USP40: variants seen among roughly 807,000 people sequenced by gnomAD.
The protein encoded by USP40 is ubiquitin specific peptidase 40.
USP40 carries 143 observed loss-of-function variants against 166.2 expected under a neutral mutation model. That is an observed-to-expected ratio of 0.86 (90% CI 0.75 to 0.99). The LOEUF (loss-of-function observed/expected upper bound fraction) is 0.99, where lower values mean the gene tolerates loss of function less well. USP40 is among the 50% of genes least tolerant of loss of function. The pLI is 0.00. For synonymous variants in USP40, 498 were observed against 524.0 expected, an observed-to-expected ratio of 0.95 and a Z score of 0.68; for missense variants, 1,444 against 1,479.7, an observed-to-expected ratio of 0.98 and a Z score of 0.40.
chr2:233,517,508 C>T (rs1008071351), intron 18 of USP40, among the ~76,000 whole-genome samples: 2 of 151,984 alleles, frequency 1.3e-5, no homozygotes, highest in Non-Finnish European at 2.9e-5. Context: ...CCTCAGCCTC[C>T]CCAGTAGCTG....
intron 31 of USP40, among the ~76,000 whole-genome samples, chr2:233,479,798 T>C (rs1351643614): frequency 1.3e-5 from 2 of 151,934 alleles, no homozygotes; most frequent in Non-Finnish European, 2.9e-5. Context: ...TCCTTTGCTA[T>C]CCTGGGGCTC....
chr2:233,517,714 T>G (rs886474075), intron 18 of USP40, among the ~76,000 whole-genome samples: 2 of 151,784 alleles, frequency 1.3e-5, no homozygotes, highest in African/African-American at 2.4e-5. Context: ...AGCAGCACAG[T>G]TTGCAATTGC....
At chr2:233,479,628 C>CGTGTGTGTGTGT (rs72454809) in intron 31 of USP40, among the ~76,000 whole-genome samples, 277 of 145,490 alleles carry the variant, frequency 1.9e-3, no homozygotes, top group African/African-American at 4.1e-3. Flanking sequence ...TAGAATTTTA[C>CGTGTGTGTGTGT]GTGTGTGTGT....
rs375216964 is a variant in USP40 at position 233,551,540 on chromosome 2, A to G, written c.694-21T>C. On this transcript the variant is annotated intron_variant, in intron 6 of 31. Transcript: ENST00000678225. The stretch of plus-strand genomic sequence containing the variant: ...GCCGACTGTTAAAAGAAAAATTTAC[A>G]AAGCTTTTTAAAAACAGGGTTATAT... 3 of 1,561,102 alleles carry G rather than the reference A, an allele frequency of 1.9e-6. No individual in the cohort carries two copies. In the African/African-American group the frequency reaches 4.1e-5, roughly 22 times the overall value.
Position 233,493,216 on chromosome 2 carries a change from T to C in USP40, c.2917+209A>G, listed in dbSNP as rs2125076473. On this transcript the variant is annotated intron_variant, in intron 25 of 31. Transcript: ENST00000678225. The surrounding 1 kb of genome is among the most constrained non-coding windows in gnomAD (Gnocchi z 4.7). Reference sequence around the variant, plus strand: ...ATATAATAATAAACAACAAGATATATAGTGCTTTACAGAGGTTACAGAGCA... The same window carrying C: ...ATATAATAATAAACAACAAGATATACAGTGCTTTACAGAGGTTACAGAGCA... The C allele has an allele frequency of 6.3e-6, 4 of 631,528 alleles. No individual in the cohort carries two copies. The highest frequency in any genetic ancestry group is 8.2e-6 in the Non-Finnish European group (3 of 366,302). The allele number at this position is 631,528 out of a possible 1,614,324, so 39.1% of individuals were successfully genotyped here.
intron 9 of USP40, 110 bp from the exon 10 acceptor site, chr2:233,540,879 G>T: frequency 1.7e-6 from 1 of 585,200 alleles, no homozygotes. Flanking sequence ...GCCTAGAACA[G>T]CAAACACGTA....
At chr2:233,551,297 A>G (rs2070529165) in intron 7 of USP40, 79 bp downstream of exon 7, 2 of 1,437,434 alleles carry the variant, frequency 1.4e-6, no homozygotes, top group Admixed American at 2.4e-5. Context: ...CTCACAATAA[A>G]CCAACTGAAA....
chr2:233,502,474 T>A (rs1424820889), intron 21 of USP40, among the ~76,000 whole-genome samples: 1 of 151,980 alleles, frequency 6.6e-6, no homozygotes, highest in Non-Finnish European at 1.5e-5. Flanking sequence ...TTTCTTTGAG[T>A]GTCATGTCAA....
intron 2 of USP40, 80 bp from the exon 3 acceptor site, chr2:233,562,883 T>TGGC: frequency 3.8e-6 from 4 of 1,062,848 alleles, no homozygotes; most frequent in Non-Finnish European, 5.3e-6. Flanking sequence ...AAGACCACCT[T>TGGC]TAAGTAAAAT....
chr2:233,512,544 T>C, intron 19 of USP40, 25 bp downstream of exon 19: 8 of 1,549,660 alleles, frequency 5.2e-6, no homozygotes, highest in Non-Finnish European at 6.1e-6. Flanking sequence ...TAAGCCACCT[T>C]TTGAAAGTTA....
intron 24 of USP40, among the ~76,000 whole-genome samples, chr2:233,495,658 A>G (rs1453077726): frequency 1.3e-5 from 2 of 152,144 alleles, no homozygotes; most frequent in African/African-American, 2.4e-5. Flanking sequence ...TGTGTATATT[A>G]AAAAGCAAAG....
At position 233,556,880 on chromosome 2, in the gene USP40, T is replaced by A. The variant is rs1054292850; in HGVS notation, c.521A>T (p.Glu174Val). The change falls in exon 5 of 32, where the codon GAA becomes GTA. Residue 174 changes from glutamate (E) to valine (V), a missense_variant. By Grantham distance (121) the Glu-to-Val change is moderately radical. Coordinates refer to ENST00000678225, the MANE Select transcript of USP40 (RefSeq NM_001365479.2). ...CTGCCTCTCGCTAACGTTCTTACAT[T>A]CTTTACAAACAATCTGGTTAACAAT... ...GTIVNQIVCK[E>V]CKNVSERQED... 2 of 1,611,908 alleles carry A rather than the reference T, an allele frequency of 1.2e-6. No individual in the cohort carries two copies. Among genetic ancestry groups the A allele is most frequent in the Admixed American group, 1.7e-5 (1 of 59,534 alleles).
intron 12 of USP40, among the ~76,000 whole-genome samples, 182 bp downstream of exon 12, chr2:233,529,249 T>C (rs1420569560): frequency 6.6e-6 from 1 of 152,220 alleles, no homozygotes; most frequent in Non-Finnish European, 1.5e-5. Context: ...CTCTCACACA[T>C]AAGGGATAAT....
At chr2:233,517,079 G>T (rs955352405) in intron 18 of USP40, among the ~76,000 whole-genome samples, 3 of 152,058 alleles carry the variant, frequency 2.0e-5, no homozygotes, top group Non-Finnish European at 4.4e-5. Context: ...TGTTGTTGTT[G>T]CTGGTAGGTA....
chr2:233,505,402 C>T (rs886232308), intron 21 of USP40, among the ~76,000 whole-genome samples: 1 of 151,960 alleles, frequency 6.6e-6, no homozygotes, highest in Admixed American at 6.6e-5. Flanking sequence ...AAATTAAAAA[C>T]TGGTTCTTTT....
chr2:233,485,625 T>A lies in USP40; in HGVS notation c.3410A>T (p.Asn1137Ile). The change falls in exon 30 of 32, where the codon AAC becomes ATC. Residue 1137 changes from asparagine to isoleucine, a missense_variant and splice_region_variant. Coordinates refer to ENST00000678225, the MANE Select transcript of USP40 (RefSeq NM_001365479.2). ...CTTTTTCCTCTTGGTTATTTGTTGG[T>A]TCTATGGGAAAATCAAACATCTTAA... The part of the protein sequence containing the change: ...KFEWLPISSW[N>I]QQITKRKKKK... 6.2e-7 allele frequency: 1 copy of A among 1,612,694 alleles called. No homozygotes were observed. The highest frequency in any genetic ancestry group is 8.5e-7 in the Non-Finnish European group (1 of 1,179,318).
intron 30 of USP40, among the ~76,000 whole-genome samples, chr2:233,482,679 C>G (rs1443271532): frequency 6.6e-6 from 1 of 151,790 alleles, no homozygotes; most frequent in East Asian, 1.9e-4. Context: ...CAACCTCCAC[C>G]TCCTGGGGTC....
intron 21 of USP40, 136 bp from the exon 22 acceptor site, chr2:233,500,051 A>C: frequency 1.5e-6 from 1 of 649,006 alleles, no homozygotes; most frequent in Non-Finnish European, 2.5e-6. Context: ...GGATAGACAT[A>C]GTTAAGAAGA....
Position 233,480,539 on chromosome 2 carries a change from G to A in USP40, c.3599+664C>T, listed in dbSNP as rs958716852. ...CTGAAGACAGCCGGCTGGGCACAGA[G>A]CCTGTGGCTTGGCCTGACTGCAAGC... is the stretch of plus-strand genomic sequence containing the variant. On this transcript the variant is annotated intron_variant, in intron 31 of 31. Coordinates refer to ENST00000678225, the MANE Select transcript of USP40 (RefSeq NM_001365479.2). The surrounding 1 kb of genome is among the most constrained non-coding windows in gnomAD (Gnocchi z 4.5). Among the ~76,000 whole-genome samples the A allele has an allele frequency of 2.6e-5, 4 of 152,256 alleles. No homozygotes were observed. Among genetic ancestry groups the A allele is most frequent in the African/African-American group, 9.6e-5 (4 of 41,472 alleles).
Sources: allele counts gnomAD v4.1 joint callset (sites outside exome capture counted in the v4.1 genomes callset), GRCh38; gene constraint gnomAD v4.1.1; non-coding constraint Gnocchi (gnomAD v3.1); transcripts MANE v1.5; gene names NCBI Gene and HGNC (gene_info 2026-07-23, HGNC 2026-07-21).